Variants in DDX59 observed in about 807,000 individuals in gnomAD.
DDX59 encodes probable ATP-dependent RNA helicase DDX59.
In DDX59, 30 loss-of-function variants were observed where a neutral mutation model predicts 51.9. The ratio of observed to expected loss-of-function variants is 0.58; its 90% CI spans 0.43 to 0.78. The LOEUF is 0.78. Ranked by LOEUF, DDX59 falls within the 30% of genes least tolerant of loss-of-function variation. DDX59 has a pLI of 0.00. For synonymous variants in DDX59, 255 were observed against 253.3 expected, an observed-to-expected ratio of 1.01 and a Z score of -0.06; for missense variants, 672 against 730.8, an observed-to-expected ratio of 0.92 and a Z score of 0.93.
chr1:200,661,424 C>T (rs1415023034), intron 3 of DDX59, among the ~76,000 whole-genome samples: 2 of 152,160 alleles, frequency 1.3e-5, no homozygotes, highest in Admixed American at 6.5e-5. Context: ...AATTACTTTA[C>T]AGATCCTATC....
intron 4 of DDX59, among the ~76,000 whole-genome samples, chr1:200,651,273 G>A (rs1369557218): frequency 1.3e-5 from 2 of 151,976 alleles, no homozygotes; most frequent in African/African-American, 4.8e-5. Flanking sequence ...TTAATGTTAG[G>A]GGCTGCTATG....
intron 3 of DDX59, among the ~76,000 whole-genome samples, chr1:200,659,518 A>C (rs1450474290): frequency 7.3e-6 from 1 of 137,074 alleles, no homozygotes; most frequent in Non-Finnish European, 1.6e-5. Context: ...TGAGGCAGGC[A>C]CCAAGGCACC....
downstream of DDX59, among the ~76,000 whole-genome samples, chr1:200,642,993 G>A (rs1045089327): frequency 6.6e-6 from 1 of 152,208 alleles, no homozygotes; most frequent in African/African-American, 2.4e-5. Context: ...AAGTAAACCA[G>A]TGGGGTTATA....
intron 4 of DDX59, among the ~76,000 whole-genome samples, chr1:200,652,007 CAAAAAAAAAAA>C (rs71135375): frequency 1.2e-5 from 1 of 82,926 alleles, no homozygotes; most frequent in Admixed American, 1.2e-4. Context: ...GCCTCCGTCT[CAAAAAAAAAAA>C]AAAAAAAAAA....
At position 200,666,316 on chromosome 1, in the gene DDX59, T is replaced by A; in HGVS notation, c.425A>T (p.Lys142Met). The A allele has an allele frequency of 6.2e-7, 1 of 1,614,196 alleles. No homozygotes were observed. The highest frequency in any genetic ancestry group is 1.1e-5 in the South Asian group (1 of 91,080). ...ATTGCTGAGTTTTGATTTCTCTTCCTTTTCCTTAACTTGTAGAAGATGTTT... is the reference window on the plus strand; with the variant it reads ...ATTGCTGAGTTTTGATTTCTCTTCCATTTCCTTAACTTGTAGAAGATGTTT... Reference protein sequence around the residue: ...KAKHLLQVKEKEEKSKLSNPQ... With the variant: ...KAKHLLQVKEMEEKSKLSNPQ... The change falls in exon 2 of 8, where the codon AAG becomes ATG. Residue 142 changes from lysine (K) to methionine (M), a missense_variant. Physicochemically the swap from Lys to Met is moderately conservative, Grantham distance 95. Transcript: ENST00000331314.
chr1:200,651,282 T>G (rs1661644007), intron 4 of DDX59, among the ~76,000 whole-genome samples: 1 of 152,190 alleles, frequency 6.6e-6, no homozygotes, highest in Non-Finnish European at 1.5e-5. Flanking sequence ...GGGGCTGCTA[T>G]GGTCTGAACT....
At chr1:200,669,694 C>G (rs1663041252) in intron 1 of DDX59, 73 bp downstream of exon 1, 1 of 152,430 alleles carries the variant, frequency 6.6e-6, no homozygotes, top group Non-Finnish European at 1.5e-5. Context: ...TCTGCCGCCG[C>G]GGCCTAGCGC....
intron 1 of DDX59, among the ~76,000 whole-genome samples, chr1:200,668,205 G>C (rs1437371234): frequency 6.6e-6 from 1 of 152,134 alleles, no homozygotes; most frequent in African/African-American, 2.4e-5. Flanking sequence ...CTACTCGGGA[G>C]GCTGAGGCAG....
chr1:200,651,973 A>G lies in DDX59; in HGVS notation c.1063-1297T>C, dbSNP rs369099207. On this transcript the variant is annotated intron_variant, in intron 4 of 7. Coordinates refer to ENST00000331314, the MANE Select transcript of DDX59 (RefSeq NM_001031725.6). Reference sequence around the variant, plus strand: ...CAGTGAGCCGAGATCGTGCCAGTGCACTCCAGCCTGGGCTATAGAGTGAGC... The same window carrying G: ...CAGTGAGCCGAGATCGTGCCAGTGCGCTCCAGCCTGGGCTATAGAGTGAGC... 5.7e-4 allele frequency among the ~76,000 whole-genome samples: 80 copies of G among 140,760 alleles called. 1 individual carries two copies. The East Asian group carries it at 0.015, about 26-fold the overall frequency. 92.3% of individuals were successfully genotyped at this position (140,760 alleles called of 152,430 possible).
In DDX59 at chr1:200,666,490, C is replaced by T; in HGVS notation, c.251G>A (p.Ser84Asn). The change falls in exon 2 of 8, where the codon AGC (serine) becomes AAC (asparagine). Residue 84 changes from serine to asparagine, a missense_variant. Physicochemically the swap from Ser to Asn is conservative, Grantham distance 46 (BLOSUM62 1). Coordinates refer to ENST00000331314, the MANE Select transcript of DDX59 (RefSeq NM_001031725.6). Reference sequence around the variant, plus strand: ...CTTAACGGGCTCTTCAGAAGGATGGCTGTCCTTCGCACCCTGCTCGGGACT... The same window carrying T: ...CTTAACGGGCTCTTCAGAAGGATGGTTGTCCTTCGCACCCTGCTCGGGACT... The part of the protein sequence containing the change: ...SVSPEQGAKD[S>N]HPSEEPVKSF... 1 of 1,614,228 alleles carries T rather than the reference C, an allele frequency of 6.2e-7. No individual in the cohort carries two copies. Among genetic ancestry groups the T allele is most frequent in the Non-Finnish European group, 8.5e-7 (1 of 1,180,038 alleles).
intron 4 of DDX59, among the ~76,000 whole-genome samples, chr1:200,651,978 A>G (rs1050478720): frequency 2.1e-5 from 3 of 143,226 alleles, no homozygotes; most frequent in Non-Finnish European, 4.5e-5. Context: ...AGTGCACTCC[A>G]GCCTGGGCTA....
chr1:200,645,669 C>T (rs1661253806), intron 7 of DDX59, among the ~76,000 whole-genome samples: 2 of 152,158 alleles, frequency 1.3e-5, no homozygotes, highest in South Asian at 4.1e-4. Flanking sequence ...TACTAAGAAA[C>T]TCTTCAAAAG....
chr1:200,658,859 A>T (rs974846324), intron 4 of DDX59, among the ~76,000 whole-genome samples, 168 bp downstream of exon 4: 1 of 152,230 alleles, frequency 6.6e-6, no homozygotes, highest in African/African-American at 2.4e-5. Flanking sequence ...TGTAGTACAC[A>T]TTATGTTAGC....
At chr1:200,645,343 A>G (rs4415604) in intron 7 of DDX59, among the ~76,000 whole-genome samples, 112,436 of 151,988 alleles carry the variant, frequency 0.74, 42,581 homozygotes, top group Non-Finnish European at 0.84. Context: ...CAATGGTGCA[A>G]TGTCGGCTCA....
chr1:200,651,849 A>T (rs1661681192), intron 4 of DDX59, among the ~76,000 whole-genome samples: 2 of 151,992 alleles, frequency 1.3e-5, no homozygotes, highest in Admixed American at 1.3e-4. Flanking sequence ...TCTACTAAAA[A>T]TACAAAAAAT....
At chr1:200,648,650 A>G in intron 6 of DDX59, 83 bp from the exon 7 acceptor site, 2 of 1,433,956 alleles carry the variant, frequency 1.4e-6, no homozygotes, top group Admixed American at 2.2e-5. Context: ...TCTTTTTATA[A>G]TGCTTACTTC....
In DDX59 at chr1:200,649,152, G is replaced by T; in HGVS notation, c.1389C>A (p.Ala463=). The T allele has an allele frequency of 6.3e-7, 1 of 1,596,256 alleles. No individual in the cohort carries two copies. Among genetic ancestry groups the T allele is most frequent in the Non-Finnish European group, 8.5e-7 (1 of 1,174,020 alleles). The part of the protein sequence containing the change: ...CKLGADLLSE[A]VQKITGLKSI... ...TTTTCAGCCCTGTGATTTTCTGAAC[G>T]GCTTCACTCAAAAGATCTGCTCCTA... is the stretch of plus-strand genomic sequence containing the variant. Residue 463 remains alanine, a synonymous_variant, in exon 6 of 8, where the codon GCC becomes GCA. Coordinates refer to ENST00000331314, the MANE Select transcript of DDX59 (RefSeq NM_001031725.6).
Position 200,665,991 on chromosome 1 carries a change from G to A in DDX59, c.750C>T (p.Gly250=), listed in dbSNP as rs1425679824. The A allele has an allele frequency of 1.9e-6, 3 of 1,612,706 alleles. No homozygotes were observed. The Admixed American group carries it at 5.0e-5, about 27-fold the overall frequency. ...GRDILASADT[G]SGKTAAFLLP... Reference sequence around the variant, plus strand: ...GAAGAAAAGCAGCTGTTTTTCCTGAGCCAGTATCTGCACTGGCCAGAATGT... The same window carrying A: ...GAAGAAAAGCAGCTGTTTTTCCTGAACCAGTATCTGCACTGGCCAGAATGT... Residue 250 remains glycine (G), a synonymous_variant, in exon 2 of 8, where the codon GGC becomes GGT. Coordinates refer to ENST00000331314, the MANE Select transcript of DDX59 (RefSeq NM_001031725.6).
intron 4 of DDX59, among the ~76,000 whole-genome samples, chr1:200,652,881 C>T (rs1661760745): frequency 6.6e-6 from 1 of 151,832 alleles, no homozygotes; most frequent in South Asian, 2.1e-4. Flanking sequence ...GACTGGGTTT[C>T]CCCATGTTGC....
Sources: gnomAD v4.1 joint callset for allele counts (sites outside exome capture counted in the v4.1 genomes callset) on GRCh38, gnomAD v4.1.1 for gene constraint, MANE v1.5 for transcripts, NCBI Gene and HGNC (gene_info 2026-07-23, HGNC 2026-07-21) for gene names.